Variants in PRICKLE2 observed in about 807,000 individuals in gnomAD.
PRICKLE2 encodes prickle planar cell polarity protein 2.
PRICKLE2 carries 21 observed loss-of-function variants against 81.4 expected under a neutral mutation model. The ratio of observed to expected loss-of-function variants is 0.26; its 90% CI spans 0.18 to 0.37. PRICKLE2 has a LOEUF of 0.37. Ranked by LOEUF, PRICKLE2 falls within the 10% of genes least tolerant of loss-of-function variation. PRICKLE2 has a pLI of 1.00. For synonymous variants in PRICKLE2, 456 were observed against 421.5 expected, an observed-to-expected ratio of 1.08 and a Z score of -1.00; for missense variants, 940 against 1,109.0, an observed-to-expected ratio of 0.85 and a Z score of 2.16.
chr3:64,119,820 T>C (rs1255050166), intron 7 of PRICKLE2, among the ~76,000 whole-genome samples: 1 of 152,186 alleles, frequency 6.6e-6, no homozygotes, highest in Non-Finnish European at 1.5e-5. Context: ...TGCTCATCAA[T>C]GGTGGACTGG....
At chr3:64,128,283 C>CTCTGCAAG (rs1295310527) in intron 7 of PRICKLE2, among the ~76,000 whole-genome samples, 5 of 152,128 alleles carry the variant, frequency 3.3e-5, no homozygotes, top group Non-Finnish European at 7.4e-5. Flanking sequence ...AACTGAATGT[C>CTCTGCAAG]TCTGCAAGCA....
chr3:64,160,699 C>A (rs936055398), intron 3 of PRICKLE2, among the ~76,000 whole-genome samples: 4 of 152,168 alleles, frequency 2.6e-5, no homozygotes, highest in Non-Finnish European at 5.9e-5. Context: ...TCAGTTGAGT[C>A]GACTTGCAAG....
At chr3:64,240,290 C>T (rs1486710610) in intron 2 of PRICKLE2, among the ~76,000 whole-genome samples, 1 of 152,122 alleles carries the variant, frequency 6.6e-6, no homozygotes, top group Non-Finnish European at 1.5e-5. Context: ...AGAACAGGTA[C>T]TCCAGGTCTA....
At chr3:64,183,608 A>G (rs2107084583) in intron 2 of PRICKLE2, among the ~76,000 whole-genome samples, 1 of 152,346 alleles carries the variant, frequency 6.6e-6, no homozygotes, top group South Asian at 2.1e-4. Flanking sequence ...GGCAAAAATT[A>G]TGAAAGCTAT....
Position 64,146,970 on chromosome 3 carries a change from T to C in PRICKLE2, c.1520A>G (p.Glu507Gly). 1.2e-6 allele frequency: 2 copies of C among 1,614,148 alleles called. No homozygotes were observed. The highest frequency in any genetic ancestry group is 1.1e-5 in the South Asian group (1 of 91,080). ...AGTGGACAAGCCCCCTTCCTCTTCC[T>C]CTTCCTCCTCATATTTGGGGACTTG... ...SIQVPKYEEEEEEEGGLSTQQ... is the reference protein window; with the variant it reads ...SIQVPKYEEEGEEEGGLSTQQ... Residue 507 changes from glutamate to glycine, a missense_variant, in exon 7 of 8, where the codon GAG (glutamate) becomes GGG (glycine). Transcript: ENST00000638394.
At chr3:64,136,279 T>C (rs182908445) in intron 7 of PRICKLE2, among the ~76,000 whole-genome samples, 119 of 151,974 alleles carry the variant, frequency 7.8e-4, no homozygotes, top group Middle Eastern at 3.4e-3. Flanking sequence ...ATGAGTATGG[T>C]ACCTCACCCA....
chr3:64,151,514 G>A (rs1024450296), intron 6 of PRICKLE2, among the ~76,000 whole-genome samples: 3 of 152,186 alleles, frequency 2.0e-5, no homozygotes, highest in African/African-American at 7.2e-5. Flanking sequence ...AAAATTCTAA[G>A]TGGCAGTTTC....
chr3:64,106,466 A>G (rs1223513468), intron 7 of PRICKLE2, among the ~76,000 whole-genome samples: 1 of 152,218 alleles, frequency 6.6e-6, no homozygotes, highest in East Asian at 1.9e-4. Context: ...AGGCAAACAA[A>G]TATCATTGAA....
At chr3:64,266,022 G>A (rs2079701450) in intron 2 of PRICKLE2, among the ~76,000 whole-genome samples, 1 of 152,096 alleles carries the variant, frequency 6.6e-6, no homozygotes, top group Non-Finnish European at 1.5e-5. Context: ...TGATGCAGAG[G>A]CTTGAAAGCC....
rs749341791 is a variant in PRICKLE2, at chr3:64,099,936, G to GA, written c.1661-12dup. On this transcript the variant is annotated splice_polypyrimidine_tract_variant and intron_variant, in intron 7 of 7. Coordinates refer to ENST00000638394, the MANE Select transcript of PRICKLE2 (RefSeq NM_198859.4). This position sits in a 1 kb window ranked among gnomAD's most constrained non-coding sequence, Gnocchi z 4.3. ...CATCAGCAGAGAGGCCTGGGGAAGA[G>GA]AGGAGGGGACCACAGAGATTAATAC... The GA allele has an allele frequency of 1.7e-5, 28 of 1,613,738 alleles. No homozygotes were observed. The South Asian group carries it at 2.7e-4, about 16-fold the overall frequency.
chr3:64,239,065 C>T (rs893450954), intron 2 of PRICKLE2, among the ~76,000 whole-genome samples: 5 of 152,094 alleles, frequency 3.3e-5, no homozygotes, highest in Admixed American at 2.0e-4. Flanking sequence ...AGGGGACAGG[C>T]CCAGACGGAT....
intron 2 of PRICKLE2, among the ~76,000 whole-genome samples, chr3:64,265,739 A>G (rs2107193921): frequency 6.6e-6 from 1 of 152,284 alleles, no homozygotes; most frequent in Admixed American, 6.5e-5. Flanking sequence ...TGTCACCACC[A>G]AATTGGTGAG....
chr3:64,204,136 T>C (rs950522091), intron 1 of PRICKLE2, among the ~76,000 whole-genome samples: 17 of 152,150 alleles, frequency 1.1e-4, no homozygotes, highest in Non-Finnish European at 1.6e-4. Flanking sequence ...TGGCCTACGT[T>C]CTCAGAGGGG....
At chr3:64,197,994 G>A (rs2078489653) in intron 2 of PRICKLE2, among the ~76,000 whole-genome samples, 1 of 152,038 alleles carries the variant, frequency 6.6e-6, no homozygotes, top group Non-Finnish European at 1.5e-5. Context: ...GACGGATCAC[G>A]AGGTCAGGAG....
chr3:64,192,400 C>T (rs1257211954), intron 2 of PRICKLE2, among the ~76,000 whole-genome samples: 1 of 152,170 alleles, frequency 6.6e-6, no homozygotes, highest in Admixed American at 6.5e-5. Context: ...TATCTAATTA[C>T]AAGTTTTATA....
At chr3:64,255,013 A>G (rs1302599029) in intron 2 of PRICKLE2, among the ~76,000 whole-genome samples, 1 of 152,188 alleles carries the variant, frequency 6.6e-6, no homozygotes, top group Admixed American at 6.5e-5. Context: ...TAACAGCTAG[A>G]TATATACATG....
In PRICKLE2 at chr3:64,139,822, C is replaced by A. The variant is rs72880547; in HGVS notation, c.1660+7008G>T. The stretch of plus-strand genomic sequence containing the variant: ...TCCTACCACAGGGCCTTTACACATG[C>A]TGCTCCTGCTGCCTAGAATGACCCT... On this transcript the variant is annotated intron_variant, in intron 7 of 7. Coordinates refer to ENST00000638394, the MANE Select transcript of PRICKLE2 (RefSeq NM_198859.4). Among the ~76,000 whole-genome samples the A allele has an allele frequency of 7.1e-3, 1,077 of 152,336 alleles. 20 individuals are homozygous for A. The highest frequency in any genetic ancestry group is 0.025 in the African/African-American group (1,029 of 41,572).
intron 7 of PRICKLE2, among the ~76,000 whole-genome samples, chr3:64,110,930 C>T (rs575707130): frequency 4.4e-5 from 6 of 137,418 alleles, no homozygotes; most frequent in Admixed American, 3.3e-4. Context: ...CCACTGCACT[C>T]CAGCCTGGGA....
chr3:64,163,165 T>C, intron 2 of PRICKLE2, 36 bp from the exon 3 acceptor site: 1 of 1,258,368 alleles, frequency 7.9e-7, no homozygotes, highest in Non-Finnish European at 1.2e-6. Flanking sequence ...ACTTGCCCAT[T>C]ACTCAAACCA....
Sources: allele counts gnomAD v4.1 joint callset (sites outside exome capture counted in the v4.1 genomes callset), GRCh38; gene constraint gnomAD v4.1.1; non-coding constraint Gnocchi (gnomAD v3.1); transcripts MANE v1.5; gene names NCBI Gene and HGNC (gene_info 2026-07-23, HGNC 2026-07-21).